Variants in PCDHA2 observed in about 807,000 individuals in gnomAD.
PCDHA2 encodes protocadherin alpha 2.
PCDHA2 carries 58 observed loss-of-function variants against 66.0 expected under a neutral mutation model. That is an observed-to-expected ratio of 0.88 (90% CI 0.71 to 1.09). PCDHA2 has a LOEUF of 1.09. PCDHA2 is among the 50% of genes least tolerant of loss of function. The pLI is 0.00. For missense variants in PCDHA2, 1,267 were observed against 1,242.3 expected (o/e 1.02, Z -0.30); for synonymous variants, 634 against 554.0 (o/e 1.14, Z -2.03).
At chr5:140,884,078 A>C (rs2059981897) in intron 1 of PCDHA2, 5 of 1,613,512 alleles carry the variant, frequency 3.1e-6, no homozygotes, top group Non-Finnish European at 4.2e-6. Flanking sequence ...TTCGGGCTAC[A>C]ATGCGTGGCT....
rs537367595 is a variant in PCDHA2, at chr5:140,855,783, A to G, written c.2388+58431A>G. The G allele has an allele frequency of 2.9e-4, 123 of 423,664 alleles. 6 individuals carry two copies. Among genetic ancestry groups the G allele is most frequent in the Non-Finnish European group, 4.5e-4 (106 of 237,548 alleles). 26.2% of individuals were successfully genotyped at this position (423,664 alleles called of 1,614,324 possible). On this transcript the variant is annotated intron_variant, in intron 1 of 3. Coordinates refer to ENST00000526136, the MANE Select transcript of PCDHA2 (RefSeq NM_018905.3). ...TCCATAGACATAAAAATACGTAAAA[A>G]AAGAATTAACATATGAATGAAAGAA...
chr5:140,877,320 C>G, intron 1 of PCDHA2: 1 of 1,613,972 alleles, frequency 6.2e-7, no homozygotes, highest in Non-Finnish European at 8.5e-7. Context: ...CGGCGGCGGT[C>G]GGCGCGCACA....
chr5:140,883,870 G>T, intron 1 of PCDHA2: 1 of 1,613,302 alleles, frequency 6.2e-7, no homozygotes, highest in South Asian at 1.1e-5. Context: ...TGCAGTTCCA[G>T]GTGAGCGCGC....
chr5:140,801,234 T>C, intron 1 of PCDHA2: 1 of 1,612,804 alleles, frequency 6.2e-7, no homozygotes, highest in Non-Finnish European at 8.5e-7. Context: ...TGGAGCCCAG[T>C]GCCTGCTGCT....
At chr5:140,829,781 G>A (rs1554132238) in intron 1 of PCDHA2, 4 of 1,613,710 alleles carry the variant, frequency 2.5e-6, no homozygotes, top group African/African-American at 2.7e-5. Context: ...CAACGCGCCG[G>A]CGCTGCTGGC....
At chr5:140,926,771 A>G in intron 1 of PCDHA2, 3 of 1,372,492 alleles carry the variant, frequency 2.2e-6, no homozygotes, top group Admixed American at 3.2e-5. Context: ...TCCAGCCCGC[A>G]GCAGTGACGG....
At chr5:140,895,036 A>T (rs1207978693) in intron 1 of PCDHA2, among the ~76,000 whole-genome samples, 1 of 151,998 alleles carries the variant, frequency 6.6e-6, no homozygotes, top group Non-Finnish European at 1.5e-5. Flanking sequence ...ATTGTCCCCC[A>T]CCCACACCAT....
At chr5:140,830,175 A>G in intron 1 of PCDHA2, 7 of 1,613,542 alleles carry the variant, frequency 4.3e-6, no homozygotes, top group Non-Finnish European at 5.9e-6. Flanking sequence ...GCGCTGGTGG[A>G]TGTCAACGTG....
At chr5:140,802,753 C>T (rs782212948) in intron 1 of PCDHA2, 1 of 1,612,542 alleles carries the variant, frequency 6.2e-7, no homozygotes. Context: ...AAGGTGTACG[C>T]GCTGCAGCCG....
At chr5:140,841,311 G>A (rs1312688051) in intron 1 of PCDHA2, 11 of 1,582,128 alleles carry the variant, frequency 7.0e-6, no homozygotes, top group Non-Finnish European at 8.6e-6. Context: ...GATAGGAAAC[G>A]ACTATTTAAC....
intron 1 of PCDHA2, chr5:140,877,774 G>T (rs782686661): frequency 1.2e-6 from 2 of 1,614,176 alleles, no homozygotes; most frequent in South Asian, 2.2e-5. Context: ...GCCCAAGACG[G>T]ACCTCATGGC....
At chr5:140,881,259 C>A in intron 1 of PCDHA2, 1 of 524,594 alleles carries the variant, frequency 1.9e-6, no homozygotes, top group Non-Finnish European at 2.4e-6. Flanking sequence ...AGGTTTTACT[C>A]AGTGATGATG....
chr5:140,863,385 G>T (rs782510264), intron 1 of PCDHA2: 7 of 1,030,746 alleles, frequency 6.8e-6, no homozygotes, highest in Non-Finnish European at 1.0e-5. Context: ...CCGAGAGCTC[G>T]TGCATGCCGG....
At chr5:140,800,959 AAAG>A (rs1762619775) in intron 1 of PCDHA2, 6 of 1,175,172 alleles carry the variant, frequency 5.1e-6, no homozygotes, top group Non-Finnish European at 5.5e-6. Flanking sequence ...CATACAAGGA[AAAG>A]AAGATACGTT....
intron 1 of PCDHA2, chr5:140,868,985 C>A: frequency 1.3e-6 from 2 of 1,500,940 alleles, no homozygotes; most frequent in Non-Finnish European, 1.8e-6. Context: ...ATACCGGATG[C>A]CACCGTTTAA....
intron 1 of PCDHA2, chr5:140,829,722 C>T: frequency 6.2e-7 from 1 of 1,613,622 alleles, no homozygotes; most frequent in East Asian, 2.2e-5. Context: ...GGCGTGCCGC[C>T]TCTGGGCAGC....
At chr5:140,962,928 A>G (rs1447478531) in intron 1 of PCDHA2, among the ~76,000 whole-genome samples, 5 of 152,186 alleles carry the variant, frequency 3.3e-5, no homozygotes, top group African/African-American at 1.2e-4. Flanking sequence ...GATACTTCTC[A>G]ACCTCCTCTC....
intron 1 of PCDHA2, chr5:140,928,544 A>G (rs1554205985): frequency 3.1e-6 from 5 of 1,614,062 alleles, no homozygotes; most frequent in Middle Eastern, 1.6e-4. Flanking sequence ...AGGAATGACA[A>G]TTATCCGGTT....
At position 141,012,035 on chromosome 5, in the gene PCDHA2, G is replaced by A. The variant is rs908623831; in HGVS notation, c.*2098G>A. The A allele has an allele frequency of 1.3e-5, 2 of 153,684 alleles. No individual in the cohort carries two copies. The highest frequency in any genetic ancestry group is 2.9e-5 in the Non-Finnish European group (2 of 68,026). The allele number at this position is 153,684 out of a possible 1,614,324, so 9.5% of individuals were successfully genotyped here. A position where few individuals can be genotyped will look rare whatever the true frequency, so the allele number is the denominator to read the frequency against. On this transcript the variant is annotated 3_prime_UTR_variant, in exon 4 of 4. Coordinates refer to ENST00000526136, the MANE Select transcript of PCDHA2 (RefSeq NM_018905.3). The stretch of plus-strand genomic sequence containing the variant: ...TGTGTAACTTCAGCTCTGCAGGATT[G>A]CATGGGGTAAAACTTGTTACCAACA...
Sources: allele counts gnomAD v4.1 joint callset (sites outside exome capture counted in the v4.1 genomes callset), GRCh38; gene constraint gnomAD v4.1.1; transcripts MANE v1.5; gene names NCBI Gene and HGNC (gene_info 2026-07-23, HGNC 2026-07-21).